SPG7: variants seen among roughly 807,000 people sequenced by gnomAD.
SPG7 encodes the protein mitochondrial inner membrane m-AAA protease component paraplegin.
In SPG7, 103 loss-of-function variants were observed where a neutral mutation model predicts 81.9. The ratio of observed to expected loss-of-function variants is 1.26; its 90% CI spans 1.07 to 1.48. The LOEUF (loss-of-function observed/expected upper bound fraction) is 1.48. SPG7 is among the 40% of genes most tolerant of loss of function. The pLI, the probability that SPG7 is intolerant of heterozygous loss-of-function variation, is 0.00. For missense variants in SPG7, 1,241 were observed against 1,087.3 expected (o/e 1.14, Z -1.99); for synonymous variants, 534 against 444.2 (o/e 1.20, Z -2.54).
chr16:89,543,272 G>GTGC (rs2058521558), intron 9 of SPG7: 1 of 148,434 alleles, frequency 6.7e-6, no homozygotes, highest in Non-Finnish European at 1.5e-5. Context: ...ATTAGTCACG[G>GTGC]GTCCTGTTCT....
intron 9 of SPG7, chr16:89,541,758 G>A (rs898208560): frequency 4.8e-4 from 73 of 152,362 alleles, no homozygotes; most frequent in African/African-American, 1.7e-3. Flanking sequence ...AACTTAAAAA[G>A]TCACACCAGG....
In SPG7 at chr16:89,513,022, C is replaced by T. The variant is rs747902707; in HGVS notation, c.361C>T (p.Pro121Ser). Residue 121 changes from proline (P) to serine (S), a missense_variant, in exon 3 of 17, where the codon CCT becomes TCT. Coordinates refer to ENST00000645818, the MANE Select transcript of SPG7 (RefSeq NM_003119.4). The stretch of plus-strand genomic sequence containing the variant: ...GAAGGATAAGTCGAAGGGGAAGGCG[C>T]CTGAAGAGGACGAAGGTATATTCAT... The part of the protein sequence containing the change: ...KEKDKSKGKA[P>S]EEDEEERRRR... 1.2e-6 allele frequency: 2 copies of T among 1,611,640 alleles called. No individual in the cohort carries two copies. The highest frequency in any genetic ancestry group is 1.7e-6 in the Non-Finnish European group (2 of 1,178,518).
chr16:89,552,032 G>A (rs2058639383), intron 13 of SPG7: 1 of 152,238 alleles, frequency 6.6e-6, no homozygotes, highest in African/African-American at 2.4e-5. Context: ...GGTCATTAAT[G>A]CAATCATCAC....
intron 3 of SPG7, chr16:89,518,290 T>G (rs1376357128): frequency 6.6e-6 from 1 of 152,256 alleles, no homozygotes. Context: ...GCAGAATGAT[T>G]GTAAGTAGTG....
intron 3 of SPG7, among the ~76,000 whole-genome samples, chr16:89,513,270 C>T (rs1343983957): frequency 6.6e-6 from 1 of 151,732 alleles, no homozygotes; most frequent in Admixed American, 6.6e-5. Flanking sequence ...CGTGGTGGCT[C>T]ACACCTGTAA....
In SPG7 at chr16:89,545,641, A is replaced by ATG. The variant is rs2058554658; in HGVS notation, c.1449+869_1449+870insTG. 1.2e-5 allele frequency: 3 copies of ATG among 241,550 alleles called. No individual in the cohort carries two copies. The East Asian group carries it at 5.0e-4, about 40-fold the overall frequency. The allele number at this position is 241,550 out of a possible 1,614,324, so 15.0% of individuals were successfully genotyped here. On this transcript the variant is annotated intron_variant, in intron 10 of 16. Coordinates refer to ENST00000645818, the MANE Select transcript of SPG7 (RefSeq NM_003119.4). ...GGACACTGTTTCTCCAGGGGATGGC[A>ATG]GCTTCTCCAGGGGACACGGCTTCTC...
chr16:89,556,019 T>C (rs1055192749), intron 16 of SPG7: 1 of 398,726 alleles, frequency 2.5e-6, no homozygotes, highest in Non-Finnish European at 4.4e-6. Context: ...CTCATCACGG[T>C]TGACAAAGCA....
chr16:89,541,203 A>G (rs1317699877), intron 9 of SPG7: 1 of 981,336 alleles, frequency 1.0e-6, no homozygotes, highest in African/African-American at 1.8e-5. Context: ...TCTACGCAGA[A>G]ATAGAAGAGC....
Position 89,529,544 on chromosome 16 carries a change from G to C in SPG7, c.826G>C (p.Gly276Arg). Reference protein sequence around the residue: ...AILWYVFRLAGMTGREGGFSA... With the variant: ...AILWYVFRLARMTGREGGFSA... ...CCTGTGGTATGTTTTCCGTCTGGCC[G>C]GGATGACTGGAAGGGAAGGTGGATT... The change falls in exon 6 of 17, where the codon GGG (glycine) becomes CGG (arginine). Residue 276 changes from glycine to arginine, a missense_variant. By Grantham distance (125) the Gly-to-Arg change is moderately radical. Transcript: ENST00000645818. 1 of 1,613,890 alleles carries C rather than the reference G, an allele frequency of 6.2e-7. No individual in the cohort carries two copies. Among genetic ancestry groups the C allele is most frequent in the South Asian group, 1.1e-5 (1 of 91,040 alleles).
chr16:89,552,769 A>G, intron 13 of SPG7: 1 of 608,764 alleles, frequency 1.6e-6, no homozygotes, highest in Non-Finnish European at 3.0e-6. Flanking sequence ...ACTTCCCGGC[A>G]GTGTGTGAAC....
chr16:89,553,302 A>C, intron 14 of SPG7, 167 bp downstream of exon 14: 1 of 751,340 alleles, frequency 1.3e-6, no homozygotes, highest in Non-Finnish European at 2.3e-6. Context: ...GGAGCTAAGC[A>C]AGACTTCTTA....
intron 14 of SPG7, 143 bp downstream of exon 14, chr16:89,553,278 G>C: frequency 1.1e-6 from 1 of 950,286 alleles, no homozygotes; most frequent in Non-Finnish European, 1.6e-6. Context: ...ATAAGTTGTG[G>C]TCATAAGAGA....
chr16:89,521,356 T>A (rs1323415214), intron 3 of SPG7: 1 of 152,238 alleles, frequency 6.6e-6, no homozygotes, highest in African/African-American at 2.4e-5. Flanking sequence ...TGAATTAACA[T>A]GCCTGGCTGA....
Position 89,508,536 on chromosome 16 carries a change from G to C in SPG7, c.119G>C (p.Gly40Ala). Residue 40 changes from glycine to alanine, a missense_variant, in exon 1 of 17, where the codon GGG (glycine) becomes GCG (alanine). By Grantham distance (60) the Gly-to-Ala change is moderately conservative. Transcript: ENST00000645818. ...GGGTTCCCCGCCAGGCCCGGGAGGG[G>C]GCGGCCGTACATGGCCAGCAGGCCT... The part of the protein sequence containing the change: ...SPGFPARPGR[G>A]RPYMASRPPG... 6.6e-7 allele frequency: 1 copy of C among 1,512,682 alleles called. No homozygotes were observed. Among genetic ancestry groups the C allele is most frequent in the Non-Finnish European group, 8.8e-7 (1 of 1,135,992 alleles). The allele number at this position is 1,512,682 out of a possible 1,614,324, so 93.7% of individuals were successfully genotyped here. A position where few individuals can be genotyped will look rare whatever the true frequency, so the allele number is the denominator to read the frequency against.
At chr16:89,532,686 T>G in intron 9 of SPG7, 50 bp downstream of exon 9, 1 of 1,607,724 alleles carries the variant, frequency 6.2e-7, no homozygotes, top group East Asian at 2.2e-5. Context: ...GAGGAGGTTT[T>G]CCGATGTCTT....
intron 9 of SPG7, chr16:89,543,218 A>T (rs1031683252): frequency 6.6e-6 from 1 of 151,938 alleles, no homozygotes; most frequent in South Asian, 2.1e-4. Context: ...AAGTGCTGGG[A>T]TTACAGGCGT....
At chr16:89,524,337 GGT>G (rs1288094221) in intron 4 of SPG7, 90 bp downstream of exon 4, 5 of 1,454,826 alleles carry the variant, frequency 3.4e-6, no homozygotes, top group Non-Finnish European at 4.6e-6. Context: ...TGTGAATGAG[GGT>G]GTGGGCGCTG....
At chr16:89,534,670 C>T (rs932333098) in intron 9 of SPG7, among the ~76,000 whole-genome samples, 4 of 152,198 alleles carry the variant, frequency 2.6e-5, no homozygotes, top group African/African-American at 9.6e-5. Context: ...GGGGAGCTTG[C>T]TCCACCTCTC....
At chr16:89,508,742 A>G (rs771464559) in intron 1 of SPG7, 142 bp downstream of exon 1, 1 of 943,936 alleles carries the variant, frequency 1.1e-6, no homozygotes, top group South Asian at 1.4e-5. Flanking sequence ...CCAGCTGTGG[A>G]CCTCGGCGCG....
Sources: allele counts gnomAD v4.1 joint callset (sites outside exome capture counted in the v4.1 genomes callset), GRCh38; gene constraint gnomAD v4.1.1; transcripts MANE v1.5; gene names NCBI Gene and HGNC (gene_info 2026-07-23, HGNC 2026-07-21).